The following KAZN variants were observed in gnomAD, a reference collection of about 807,000 sequenced individuals.
The protein encoded by KAZN is kazrin.
In KAZN, 40 loss-of-function variants were observed where a neutral mutation model predicts 87.4. The ratio of observed to expected loss-of-function variants is 0.46; its 90% CI spans 0.36 to 0.60. The LOEUF (loss-of-function observed/expected upper bound fraction) is 0.60, where lower values mean the gene tolerates loss of function less well. KAZN is among the 20% of genes least tolerant of loss of function. The probability of loss-of-function intolerance (pLI) is 0.00; values close to 1 mark genes in which losing one functional copy is unlikely to be tolerated. For synonymous variants in KAZN, 466 were observed against 458.3 expected (o/e 1.02, Z -0.22); for missense variants, 898 against 1,073.9 (o/e 0.84, Z 2.29).
At chr1:14,774,317 G>A (rs1201972186) in intron 1 of KAZN, among the ~76,000 whole-genome samples, 1 of 152,062 alleles carries the variant, frequency 6.6e-6, no homozygotes, top group Admixed American at 6.5e-5. Flanking sequence ...AACCCCACAG[G>A]CTCATTAGGG....
chr1:14,862,214 A>T (rs923712116), intron 1 of KAZN, among the ~76,000 whole-genome samples: 8 of 152,216 alleles, frequency 5.3e-5, no homozygotes, highest in Admixed American at 5.2e-4. Context: ...ACACCACTTG[A>T]CAACGGCCAT....
intron 1 of KAZN, among the ~76,000 whole-genome samples, chr1:14,754,215 G>A (rs1644494054): frequency 6.6e-6 from 1 of 152,238 alleles, no homozygotes; most frequent in Non-Finnish European, 1.5e-5. Flanking sequence ...TGCCCAGGGT[G>A]CTTTGGGAGA....
intron 1 of KAZN, among the ~76,000 whole-genome samples, chr1:14,833,963 A>G (rs892090142): frequency 1.4e-5 from 2 of 140,532 alleles, no homozygotes; most frequent in African/African-American, 5.3e-5. Context: ...TGTCCTCCCA[A>G]GTCATTCACA....
At chr1:14,169,933 C>G (rs1645916978) in intron 1 of KAZN, among the ~76,000 whole-genome samples, 1 of 152,158 alleles carries the variant, frequency 6.6e-6, no homozygotes, top group Non-Finnish European at 1.5e-5. Context: ...GGAAATCTGA[C>G]CCCAAAAGCT....
chr1:14,434,403 G>C (rs1666260387), intron 2 of KAZN, among the ~76,000 whole-genome samples: 1 of 152,142 alleles, frequency 6.6e-6, no homozygotes, highest in African/African-American at 2.4e-5. Flanking sequence ...TTTAATGATG[G>C]GAATTCTCAT....
chr1:14,383,485 T>C (rs1199962915), intron 2 of KAZN, among the ~76,000 whole-genome samples: 1 of 151,894 alleles, frequency 6.6e-6, no homozygotes, highest in Non-Finnish European at 1.5e-5. Context: ...CTTGAATTGA[T>C]TTTTGTATAA....
At chr1:14,962,871 C>T (rs1244214374) in intron 2 of KAZN, among the ~76,000 whole-genome samples, 1 of 152,120 alleles carries the variant, frequency 6.6e-6, no homozygotes, top group African/African-American at 2.4e-5. Context: ...AGCAGAGGCT[C>T]ACTTACACTA....
chr1:15,092,072 G>GTTTTTTTT (rs1557791969), intron 8 of KAZN, among the ~76,000 whole-genome samples: 1 of 79,878 alleles, frequency 1.3e-5, no homozygotes, highest in African/African-American at 5.9e-5. Flanking sequence ...TTTTTTTTTT[G>GTTTTTTTT]ATTTTTTTTT....
At chr1:14,130,611 A>G (rs998092014) in intron 1 of KAZN, among the ~76,000 whole-genome samples, 3 of 137,750 alleles carry the variant, frequency 2.2e-5, no homozygotes, top group African/African-American at 5.7e-5. Context: ...AATAATAATT[A>G]GGCTTGTCCT....
intron 2 of KAZN, among the ~76,000 whole-genome samples, chr1:14,361,882 A>C (rs906755773): frequency 6.6e-6 from 1 of 152,236 alleles, no homozygotes; most frequent in Non-Finnish European, 1.5e-5. Context: ...AGGAAGACCC[A>C]CTGCCATAAG....
intron 2 of KAZN, among the ~76,000 whole-genome samples, chr1:14,342,405 C>T (rs2487752): frequency 0.97 from 147,315 of 152,332 alleles, 71,266 homozygotes; most frequent in South Asian, 0.97. Context: ...CTTTGAGGAA[C>T]TGCCACACTG....
intron 1 of KAZN, among the ~76,000 whole-genome samples, chr1:14,877,433 A>G (rs775020247): frequency 6.6e-6 from 1 of 152,212 alleles, no homozygotes; most frequent in Non-Finnish European, 1.5e-5. Context: ...GACATGCATC[A>G]TGGGCCAATC....
intron 2 of KAZN, among the ~76,000 whole-genome samples, chr1:14,552,593 G>T (rs945429175): frequency 1.3e-5 from 2 of 152,180 alleles, no homozygotes; most frequent in Non-Finnish European, 2.9e-5. Context: ...AAAGGAGAAG[G>T]GGTTCTCTCC....
At chr1:14,432,908 CT>C (rs980774858) in intron 2 of KAZN, among the ~76,000 whole-genome samples, 6 of 152,110 alleles carry the variant, frequency 3.9e-5, no homozygotes, top group African/African-American at 7.2e-5. Flanking sequence ...TGATCTTATT[CT>C]TTTTTATGGC....
In KAZN at chr1:15,066,122, TTTTG is replaced by T; in HGVS notation, c.1222+374_1222+377del. 2 of 1,092,994 alleles carry T rather than the reference TTTTG, an allele frequency of 1.8e-6. No individual in the cohort carries two copies. 67.7% of individuals were successfully genotyped at this position (1,092,994 alleles called of 1,614,324 possible). On this transcript the variant is annotated intron_variant, in intron 8 of 14. Coordinates refer to ENST00000376030, the MANE Select transcript of KAZN (RefSeq NM_201628.3). The surrounding 1 kb of genome is among the most constrained non-coding windows in gnomAD (Gnocchi z 4.3). ...TTCAGTGTTTGGTTTTTCTTTTTCTTTTTGTTTGGTTCGTCGGTTTGTTTTTGTT... is the reference window on the plus strand; with the variant it reads ...TTCAGTGTTTGGTTTTTCTTTTTCTTTTTGGTTCGTCGGTTTGTTTTTGTT...
At chr1:14,520,730 A>G (rs1306771036) in intron 2 of KAZN, among the ~76,000 whole-genome samples, 3 of 152,208 alleles carry the variant, frequency 2.0e-5, no homozygotes, top group East Asian at 1.9e-4. Flanking sequence ...GAACTGAACC[A>G]TTAATAGCCT....
chr1:14,416,760 AAATTTT>A (rs1347441239), intron 2 of KAZN, among the ~76,000 whole-genome samples: 3 of 151,954 alleles, frequency 2.0e-5, no homozygotes, highest in Non-Finnish European at 4.4e-5. Context: ...TAATTGCTTA[AAATTTT>A]AATTTTATTA....
intron 1 of KAZN, among the ~76,000 whole-genome samples, chr1:14,620,062 G>A (rs886668452): frequency 6.6e-6 from 1 of 152,138 alleles, no homozygotes; most frequent in Admixed American, 6.5e-5. Context: ...CCCCTGCTAG[G>A]TTAACAGTTA....
At chr1:13,968,952 C>T (rs1304596960) in intron 1 of KAZN, among the ~76,000 whole-genome samples, 1 of 152,180 alleles carries the variant, frequency 6.6e-6, no homozygotes, top group African/African-American at 2.4e-5. Context: ...GACATTTCTA[C>T]TTGGGCTTCT....
Sources: gnomAD v4.1 joint callset for allele counts (sites outside exome capture counted in the v4.1 genomes callset) on GRCh38, gnomAD v4.1.1 for gene constraint, Gnocchi (gnomAD v3.1) non-coding constraint, MANE v1.5 for transcripts, NCBI Gene and HGNC (gene_info 2026-07-23, HGNC 2026-07-21) for gene names.